ATRNL1: variants seen among roughly 807,000 people sequenced by gnomAD.
ATRNL1 encodes attractin-like protein 1.
A neutral mutation model predicts 182.7 loss-of-function variants in ATRNL1; 95 were observed. The ratio of observed to expected loss-of-function variants is 0.52; its 90% CI spans 0.44 to 0.62. The LOEUF (loss-of-function observed/expected upper bound fraction) is 0.62. ATRNL1 is among the 20% of genes least tolerant of loss of function. ATRNL1 has a pLI of 0.00. For synonymous variants in ATRNL1, 576 were observed against 568.3 expected (o/e 1.01, Z -0.19); for missense variants, 1,471 against 1,679.5 (o/e 0.88, Z 2.17).
At chr10:115,336,868 CAG>C (rs142769033) in intron 19 of ATRNL1, among the ~76,000 whole-genome samples, 2,701 of 149,756 alleles carry the variant, frequency 0.018, 81 homozygotes, top group African/African-American at 0.062. Context: ...TTTTTTTAGA[CAG>C]AGTCTCGCTG....
At chr10:115,235,244 G>A (rs936058334) in intron 9 of ATRNL1, among the ~76,000 whole-genome samples, 3 of 152,116 alleles carry the variant, frequency 2.0e-5, no homozygotes, top group Non-Finnish European at 4.4e-5. Flanking sequence ...TGAGATAAAA[G>A]TCATAACATA....
Position 115,268,415 on chromosome 10 carries a change from T to C in ATRNL1, c.2071T>C (p.Cys691Arg). The C allele has an allele frequency of 6.2e-7, 1 of 1,613,230 alleles. No individual in the cohort carries two copies. Among genetic ancestry groups the C allele is most frequent in the Non-Finnish European group, 8.5e-7 (1 of 1,179,284 alleles). ...NGCQWCDDKK[C>R]ISANSNCSMS... ...GTGCCAATGGTGTGATGACAAGAAA[T>C]GCATTTCGGCAAATAGTAACTGCAG... The change falls in exon 13 of 29, where the codon TGC (cysteine) becomes CGC (arginine). Residue 691 changes from cysteine (C) to arginine (R), a missense_variant. Physicochemically the swap from Cys to Arg is radical, Grantham distance 180. Around this residue, in one of 3 missense-constraint regions of ATRNL1, gnomAD observed 1,031 missense variants for 1,156.0 expected, o/e 0.89. Transcript: ENST00000355044.
intron 17 of ATRNL1, among the ~76,000 whole-genome samples, chr10:115,308,509 A>C (rs1768313258): frequency 6.6e-6 from 1 of 152,124 alleles, no homozygotes; most frequent in Admixed American, 6.5e-5. Context: ...CAATTAAGGA[A>C]GGTAATCATT....
intron 27 of ATRNL1, among the ~76,000 whole-genome samples, chr10:115,811,198 A>C (rs1950038838): frequency 1.3e-5 from 2 of 151,946 alleles, no homozygotes; most frequent in Admixed American, 1.3e-4. Flanking sequence ...TTCAATTCAC[A>C]ACTTTTTTCA....
At chr10:115,146,240 T>C (rs1435036820) in intron 5 of ATRNL1, among the ~76,000 whole-genome samples, 2 of 152,124 alleles carry the variant, frequency 1.3e-5, no homozygotes, top group Non-Finnish European at 2.9e-5. Context: ...CGTAGTAGTA[T>C]AGATGAAATA....
intron 9 of ATRNL1, among the ~76,000 whole-genome samples, chr10:115,234,555 T>C (rs1850092807): frequency 6.6e-6 from 1 of 151,706 alleles, no homozygotes; most frequent in African/African-American, 2.4e-5. Flanking sequence ...TTACAAATTA[T>C]AACATTAAAA....
At chr10:115,606,954 C>T (rs1315761476) in intron 26 of ATRNL1, among the ~76,000 whole-genome samples, 3 of 151,940 alleles carry the variant, frequency 2.0e-5, no homozygotes, top group East Asian at 1.9e-4. Flanking sequence ...GCGTTTGTTA[C>T]AGTTCAGTGA....
At chr10:115,454,204 A>G (rs1847416114) in intron 21 of ATRNL1, among the ~76,000 whole-genome samples, 1 of 152,036 alleles carries the variant, frequency 6.6e-6, no homozygotes, top group South Asian at 2.1e-4. Flanking sequence ...AAGATCAGTT[A>G]ACTCTACATG....
intron 19 of ATRNL1, among the ~76,000 whole-genome samples, chr10:115,369,330 A>C (rs1209157057): frequency 2.5e-5 from 3 of 121,158 alleles, no homozygotes; most frequent in Non-Finnish European, 5.1e-5. Context: ...CCATGAGGGG[A>C]TGGGGGTTCT....
chr10:115,622,965 A>T (rs1857868151), intron 26 of ATRNL1, among the ~76,000 whole-genome samples: 1 of 152,142 alleles, frequency 6.6e-6, no homozygotes, highest in African/African-American at 2.4e-5. Context: ...GCAAAGATAG[A>T]AAATCTTCAC....
chr10:115,759,335 G>A (rs150314251), intron 27 of ATRNL1, among the ~76,000 whole-genome samples: 19 of 152,182 alleles, frequency 1.2e-4, no homozygotes, highest in African/African-American at 2.2e-4. Context: ...GTGACATTTC[G>A]CACTGGTGAT....
chr10:115,623,643 A>T (rs1857914317), intron 26 of ATRNL1, among the ~76,000 whole-genome samples: 1 of 152,148 alleles, frequency 6.6e-6, no homozygotes. Context: ...AGTAACAAAA[A>T]TTTTTAAAAA....
At chr10:115,925,322 C>T (rs1174546418) in intron 28 of ATRNL1, among the ~76,000 whole-genome samples, 2 of 151,958 alleles carry the variant, frequency 1.3e-5, no homozygotes, top group African/African-American at 2.4e-5. Context: ...AATATAAAGA[C>T]CAATGACACT....
intron 19 of ATRNL1, among the ~76,000 whole-genome samples, chr10:115,374,300 G>T (rs1262419719): frequency 6.6e-6 from 1 of 151,344 alleles, no homozygotes; most frequent in Non-Finnish European, 1.5e-5. Context: ...AAAACTCTTA[G>T]TTTCATTGAT....
At chr10:115,518,572 C>T (rs1850754308) in intron 24 of ATRNL1, among the ~76,000 whole-genome samples, 1 of 151,762 alleles carries the variant, frequency 6.6e-6, no homozygotes, top group Non-Finnish European at 1.5e-5. Flanking sequence ...TTTATTATTA[C>T]CATTCGCATA....
intron 26 of ATRNL1, among the ~76,000 whole-genome samples, chr10:115,576,070 ATC>A (rs1342633910): frequency 1.5e-4 from 23 of 152,056 alleles, no homozygotes; most frequent in African/African-American, 5.6e-4. Flanking sequence ...AAATGCCAGT[ATC>A]TCTTTTTTTA....
chr10:115,417,930 C>T (rs1845474487), intron 20 of ATRNL1, among the ~76,000 whole-genome samples: 1 of 152,150 alleles, frequency 6.6e-6, no homozygotes, highest in African/African-American at 2.4e-5. Context: ...CTGGAAGGCC[C>T]TCTGAAGAAG....
rs142523417 is a variant in ATRNL1, at chr10:115,097,992, A to G, written c.293+3949A>G. 4.5e-3 allele frequency among the ~76,000 whole-genome samples: 679 copies of G among 152,326 alleles called. 8 individuals are homozygous for G. Among genetic ancestry groups the G allele is most frequent in the African/African-American group, 0.015 (636 of 41,578 alleles). On this transcript the variant is annotated intron_variant, in intron 1 of 28. Coordinates refer to ENST00000355044, the MANE Select transcript of ATRNL1 (RefSeq NM_207303.4). The stretch of plus-strand genomic sequence containing the variant: ...TATATATGCATATGTAAATACATAT[A>G]TATTTGGAATCCTTTTTACTTGTAA...
intron 26 of ATRNL1, among the ~76,000 whole-genome samples, chr10:115,650,728 T>A (rs1416696396): frequency 6.6e-6 from 1 of 152,104 alleles, no homozygotes; most frequent in Admixed American, 6.6e-5. Context: ...CATACTTAAG[T>A]CACCCATCTT....
Sources: gnomAD v4.1 joint callset for allele counts (sites outside exome capture counted in the v4.1 genomes callset) on GRCh38, gnomAD v4.1.1 for gene constraint, gnomAD v4.1.1 regional missense constraint, MANE v1.5 for transcripts, NCBI Gene and HGNC (gene_info 2026-07-23, HGNC 2026-07-21) for gene names.